FREM1: variants seen among roughly 807,000 people sequenced by gnomAD.
The protein encoded by FREM1 is FRAS1 related extracellular matrix 1, also known as FRAS1-related extracellular matrix protein 1.
A neutral mutation model predicts 210.1 loss-of-function variants in FREM1; 220 were observed. That is an observed-to-expected ratio of 1.05 (90% CI 0.94 to 1.17). FREM1 has a LOEUF of 1.17. FREM1 is among the 50% of genes most tolerant of loss of function. The pLI is 0.00. For missense variants in FREM1, 3,454 were observed against 2,675.5 expected, an observed-to-expected ratio of 1.29 and a Z score of -6.42; for synonymous variants, 1,189 against 980.2, an observed-to-expected ratio of 1.21 and a Z score of -3.98.
chr9:14,755,005 A>T (rs971012425), intron 29 of FREM1, among the ~76,000 whole-genome samples: 1 of 152,182 alleles, frequency 6.6e-6, no homozygotes, highest in African/African-American at 2.4e-5. Flanking sequence ...TGAAGATGAA[A>T]GCAGAGATGC....
intron 1 of FREM1, among the ~76,000 whole-genome samples, chr9:14,886,270 C>T (rs1200920964): frequency 6.6e-6 from 1 of 150,680 alleles, no homozygotes; most frequent in Non-Finnish European, 1.5e-5. Flanking sequence ...CTGTAAATCC[C>T]AGCTACTCGG....
At chr9:14,767,034 C>G (rs1030007397) in intron 27 of FREM1, among the ~76,000 whole-genome samples, 1 of 152,158 alleles carries the variant, frequency 6.6e-6, no homozygotes, top group Non-Finnish European at 1.5e-5. Flanking sequence ...CTTTCATATA[C>G]GTTACACATT....
At chr9:14,847,431 A>AAGGAAGGAAGGAAGGAAGGAC (rs1826881760) in intron 7 of FREM1, among the ~76,000 whole-genome samples, 1 of 65,960 alleles carries the variant, frequency 1.5e-5, no homozygotes, top group Non-Finnish European at 3.6e-5. Context: ...GAAGGAAGGG[A>AAGGAAGGAAGGAAGGAAGGAC]GGGAGGGAGG....
At chr9:14,889,629 A>G (rs1484876394) in intron 1 of FREM1, among the ~76,000 whole-genome samples, 2 of 152,312 alleles carry the variant, frequency 1.3e-5, no homozygotes, top group African/African-American at 4.8e-5. Context: ...TATTCCTTTC[A>G]GCATTTCCTT....
At chr9:14,752,047 A>C (rs1843488921) in intron 29 of FREM1, among the ~76,000 whole-genome samples, 1 of 150,794 alleles carries the variant, frequency 6.6e-6, no homozygotes, top group Non-Finnish European at 1.5e-5. Flanking sequence ...TGGATGGATA[A>C]ATCAATACAT....
rs756482820 is a variant in FREM1, at chr9:14,806,783, G to A, written c.3152C>T (p.Thr1051Ile). The change falls in exon 18 of 37, where the codon ACT (threonine) becomes ATT (isoleucine). Residue 1051 changes from threonine (T) to isoleucine (I), a missense_variant. Physicochemically the swap from Thr to Ile is moderately conservative, Grantham distance 89. Transcript: ENST00000380880. ...TALTVNHLSA[T>I]DPDTAADDLE... ...GTCATCTGCTGCAGTGTCAGGGTCA[G>A]TGGCGGACAAATGGTTAACAGTAAG... The A allele has an allele frequency of 6.2e-7, 1 of 1,607,762 alleles. No individual in the cohort carries two copies. Among genetic ancestry groups the A allele is most frequent in the East Asian group, 2.2e-5 (1 of 44,844 alleles).
intron 4 of FREM1, 62 bp downstream of exon 4, chr9:14,859,121 G>C (rs1459029994): frequency 7.6e-7 from 1 of 1,317,162 alleles, no homozygotes; most frequent in African/African-American, 1.5e-5. Context: ...TGGAAGGTGA[G>C]CATGCATGGA....
chr9:14,882,960 T>C (rs1224191168), intron 1 of FREM1, among the ~76,000 whole-genome samples: 5 of 140,694 alleles, frequency 3.6e-5, no homozygotes, highest in African/African-American at 1.3e-4. Flanking sequence ...AAAGTTCCCC[T>C]GTCAGACCAA....
intron 1 of FREM1, among the ~76,000 whole-genome samples, chr9:14,884,379 T>A (rs993344063): frequency 2.6e-5 from 4 of 152,234 alleles, no homozygotes; most frequent in African/African-American, 9.6e-5. Context: ...CACCATTGCC[T>A]TTTTTCTTTA....
At chr9:14,862,988 C>A (rs763170287) in intron 3 of FREM1, among the ~76,000 whole-genome samples, 9 of 151,846 alleles carry the variant, frequency 5.9e-5, no homozygotes, top group Non-Finnish European at 1.3e-4. Context: ...TATATATATG[C>A]GTAGGAGAAG....
chr9:14,813,225 T>A (rs1819721696), intron 15 of FREM1, among the ~76,000 whole-genome samples, 161 bp from the exon 16 acceptor site: 3 of 152,184 alleles, frequency 2.0e-5, no homozygotes, highest in Admixed American at 2.0e-4. Flanking sequence ...GTCTTTTAAC[T>A]TTTCCCATGT....
At chr9:14,746,534 G>A in intron 34 of FREM1, 66 bp from the exon 35 acceptor site, 2 of 1,245,370 alleles carry the variant, frequency 1.6e-6, no homozygotes, top group Non-Finnish European at 2.4e-6. Flanking sequence ...TTCAGCATAA[G>A]GAGTCCTACG....
chr9:14,881,332 T>C (rs947073548), intron 1 of FREM1, among the ~76,000 whole-genome samples: 2 of 152,220 alleles, frequency 1.3e-5, no homozygotes, highest in Admixed American at 1.3e-4. Context: ...TAATTGATCA[T>C]AGCTCAGTTA....
intron 1 of FREM1, among the ~76,000 whole-genome samples, chr9:14,907,351 G>C (rs1266731078): frequency 2.6e-5 from 4 of 152,190 alleles, no homozygotes. Context: ...TTTCATTAGG[G>C]AGTGGGTTTT....
intron 19 of FREM1, among the ~76,000 whole-genome samples, chr9:14,804,443 G>A (rs1232767102): frequency 2.0e-5 from 3 of 152,134 alleles, no homozygotes; most frequent in Non-Finnish European, 4.4e-5. Flanking sequence ...AAATTAGCCG[G>A]GCGTGGTGGC....
At chr9:14,878,884 G>GGT (rs1370831650) in intron 1 of FREM1, among the ~76,000 whole-genome samples, 27 of 152,054 alleles carry the variant, frequency 1.8e-4, no homozygotes, top group African/African-American at 5.6e-4. Context: ...GGCCAAGCAC[G>GGT]GTGGCTCATA....
At chr9:14,814,930 G>C (rs1052927097) in intron 15 of FREM1, among the ~76,000 whole-genome samples, 2 of 152,170 alleles carry the variant, frequency 1.3e-5, no homozygotes, top group African/African-American at 2.4e-5. Context: ...ATGGAAGATA[G>C]GGTTGGGGTT....
intron 10 of FREM1, among the ~76,000 whole-genome samples, chr9:14,825,547 G>GTGTATATATATATA: frequency 2.6e-5 from 2 of 75,908 alleles, no homozygotes; most frequent in Non-Finnish European, 2.5e-5. Context: ...GTGTGTGTGT[G>GTGTATATATATATA]TATATATATA....
chr9:14,857,776 G>C (rs369939553), intron 4 of FREM1, 27 bp from the exon 5 acceptor site: 2 of 1,515,294 alleles, frequency 1.3e-6, no homozygotes, highest in Non-Finnish European at 1.8e-6. Context: ...TGGATTAAGA[G>C]AGTCACTTAA....
Sources: gnomAD v4.1 joint callset for allele counts (sites outside exome capture counted in the v4.1 genomes callset) on GRCh38, gnomAD v4.1.1 for gene constraint, MANE v1.5 for transcripts, NCBI Gene and HGNC (gene_info 2026-07-23, HGNC 2026-07-21) for gene names.